PTPRN2: variants seen among roughly 807,000 people sequenced by gnomAD.
PTPRN2 encodes protein tyrosine phosphatase receptor type N2, also known as receptor-type tyrosine-protein phosphatase N2.
PTPRN2 carries 74 observed loss-of-function variants against 118.8 expected under a neutral mutation model. The observed-to-expected ratio is 0.62, with a 90% CI of 0.52 to 0.76. The LOEUF (loss-of-function observed/expected upper bound fraction) is 0.76, where lower values mean the gene tolerates loss of function less well. Among genes scored for constraint, PTPRN2 ranks in the 30% least tolerant of loss-of-function variants. The pLI is 0.00. For missense variants in PTPRN2, 1,481 were observed against 1,394.4 expected, an observed-to-expected ratio of 1.06 and a Z score of -0.99; for synonymous variants, 641 against 608.0, an observed-to-expected ratio of 1.05 and a Z score of -0.80.
chr7:158,341,354 G>GCTGTC (rs1236418958), intron 2 of PTPRN2, among the ~76,000 whole-genome samples: 2 of 147,224 alleles, frequency 1.4e-5, no homozygotes, highest in African/African-American at 5.1e-5. Context: ...CACCATAAGA[G>GCTGTC]GTAACACATG....
chr7:157,965,604 A>G (rs1801868312), intron 11 of PTPRN2, among the ~76,000 whole-genome samples: 1 of 152,198 alleles, frequency 6.6e-6, no homozygotes, highest in Non-Finnish European at 1.5e-5. Context: ...GGCCTGGCCC[A>G]GTGCCATGAG....
At chr7:158,499,869 AAATT>A (rs1357732193) in intron 1 of PTPRN2, among the ~76,000 whole-genome samples, 11 of 150,838 alleles carry the variant, frequency 7.3e-5, no homozygotes, top group Non-Finnish European at 1.3e-4. Flanking sequence ...GTATAATTTT[AAATT>A]AATTATGTGG....
chr7:158,441,412 GTGGTGA>G (rs1817175222), intron 2 of PTPRN2, among the ~76,000 whole-genome samples: 1 of 148,340 alleles, frequency 6.7e-6, no homozygotes. Flanking sequence ...CATGGTAGTG[GTGGTGA>G]TGGTGATAGT....
chr7:158,324,467 C>A (rs771153781), intron 2 of PTPRN2, among the ~76,000 whole-genome samples: 4 of 149,400 alleles, frequency 2.7e-5, no homozygotes, highest in African/African-American at 4.9e-5. Flanking sequence ...TGGCAGTGAC[C>A]CACTTGGATG....
rs548744965 is a variant in PTPRN2 at position 157,729,180 on chromosome 7, A to G, written c.1789-46243T>C. On this transcript the variant is annotated intron_variant, in intron 12 of 22. Transcript: ENST00000389418. This position sits in a 1 kb window ranked among gnomAD's most constrained non-coding sequence, Gnocchi z 4.3. ...GGACAGAATTCCTATTAAATACAAT[A>G]TAGAGTATTTCATTTTCTGCATCTG... is the stretch of plus-strand genomic sequence containing the variant. Among the ~76,000 whole-genome samples the G allele has an allele frequency of 3.9e-5, 6 of 152,112 alleles. No homozygotes were observed. In the South Asian group the frequency reaches 1.0e-3, roughly 26 times the overall value.
intron 11 of PTPRN2, among the ~76,000 whole-genome samples, chr7:157,967,305 A>G (rs1802017677): frequency 1.3e-5 from 2 of 152,168 alleles, no homozygotes; most frequent in South Asian, 4.1e-4. Flanking sequence ...GTGAGACCCT[A>G]TCTCTTCAGA....
intron 5 of PTPRN2, among the ~76,000 whole-genome samples, chr7:158,186,527 A>G (rs1354286205): frequency 6.6e-6 from 1 of 152,012 alleles, no homozygotes; most frequent in Non-Finnish European, 1.5e-5. Flanking sequence ...CTCTGGCATG[A>G]GTACGCCTGG....
intron 3 of PTPRN2, among the ~76,000 whole-genome samples, chr7:158,247,437 G>A (rs548208872): frequency 6.6e-4 from 100 of 152,092 alleles, no homozygotes; most frequent in African/African-American, 2.2e-3. Flanking sequence ...AGGGGTGCCC[G>A]TCCCAGGTGT....
chr7:158,308,069 C>A (rs1015299847), intron 3 of PTPRN2, among the ~76,000 whole-genome samples: 1 of 152,166 alleles, frequency 6.6e-6, no homozygotes, highest in Non-Finnish European at 1.5e-5. Context: ...AAATAAATTC[C>A]TTTTCTTTAT....
At chr7:158,124,893 A>G (rs184160772) in intron 9 of PTPRN2, among the ~76,000 whole-genome samples, 1 of 152,352 alleles carries the variant, frequency 6.6e-6, no homozygotes, top group East Asian at 1.9e-4. Flanking sequence ...TTTGGGTTCA[A>G]CGTGCACGGC....
intron 2 of PTPRN2, among the ~76,000 whole-genome samples, chr7:158,480,607 TA>T (rs1275145975): frequency 6.6e-6 from 1 of 152,204 alleles, no homozygotes; most frequent in Admixed American, 6.5e-5. Flanking sequence ...GCCTCTCGTG[TA>T]AAACAGTTAG....
At chr7:158,440,854 G>GTAGTGA (rs1249950679) in intron 2 of PTPRN2, among the ~76,000 whole-genome samples, 1 of 146,734 alleles carries the variant, frequency 6.8e-6, no homozygotes, top group Non-Finnish European at 1.5e-5. Flanking sequence ...GACGGGGGTG[G>GTAGTGA]TGGTGGGGGC....
At chr7:157,879,393 A>T (rs1430886944) in intron 12 of PTPRN2, among the ~76,000 whole-genome samples, 1 of 151,940 alleles carries the variant, frequency 6.6e-6, no homozygotes, top group African/African-American at 2.4e-5. Context: ...ACACACACAC[A>T]CTCGTGCACG....
intron 12 of PTPRN2, among the ~76,000 whole-genome samples, chr7:157,827,443 C>A (rs536739911): frequency 6.6e-6 from 1 of 151,146 alleles, no homozygotes; most frequent in African/African-American, 2.4e-5. Flanking sequence ...AGGCCAAGCT[C>A]GATCAGAATG....
At chr7:157,754,955 G>C (rs1272933287) in intron 12 of PTPRN2, among the ~76,000 whole-genome samples, 1 of 152,146 alleles carries the variant, frequency 6.6e-6, no homozygotes, top group East Asian at 1.9e-4. Flanking sequence ...TGCAGTCTGG[G>C]ATCACTGAAG....
chr7:158,287,558 T>C (rs1799846518), intron 3 of PTPRN2, among the ~76,000 whole-genome samples: 1 of 152,146 alleles, frequency 6.6e-6, no homozygotes, highest in African/African-American at 2.4e-5. Flanking sequence ...TAATTCTCTT[T>C]TTAATTTCTT....
intron 2 of PTPRN2, among the ~76,000 whole-genome samples, chr7:158,366,649 G>A (rs1809552334): frequency 6.6e-6 from 1 of 152,128 alleles, no homozygotes; most frequent in African/African-American, 2.4e-5. Context: ...GGAAGGACGT[G>A]GTGCTGCGGA....
At chr7:158,236,550 A>G (rs933511794) in intron 3 of PTPRN2, among the ~76,000 whole-genome samples, 2 of 152,130 alleles carry the variant, frequency 1.3e-5, no homozygotes, top group Non-Finnish European at 2.9e-5. Flanking sequence ...CCAGTCTGAC[A>G]TGCACCAGCT....
In PTPRN2 at chr7:157,933,388, G is replaced by A. The variant is rs62475366; in HGVS notation, c.1724-34651C>T. ...ATTGACAGCTTTAGAGGAAGGGTGA[G>A]TCACTCTGACTGACAGTTTTAGAGG... On this transcript the variant is annotated intron_variant, in intron 11 of 22. Coordinates refer to ENST00000389418, the MANE Select transcript of PTPRN2 (RefSeq NM_002847.5). Among the ~76,000 whole-genome samples, 392 of 150,198 alleles carry A rather than the reference G, an allele frequency of 2.6e-3. 1 individual carries two copies. Among genetic ancestry groups the A allele is most frequent in the South Asian group, 9.4e-3 (43 of 4,596 alleles).
Sources: allele counts gnomAD v4.1 joint callset (sites outside exome capture counted in the v4.1 genomes callset), GRCh38; gene constraint gnomAD v4.1.1; non-coding constraint Gnocchi (gnomAD v3.1); transcripts MANE v1.5; gene names NCBI Gene and HGNC (gene_info 2026-07-23, HGNC 2026-07-21).